The following DLGAP1 variants were observed in gnomAD, a reference collection of about 807,000 sequenced individuals.
DLGAP1 encodes the protein DLG associated protein 1.
DLGAP1 carries 11 observed loss-of-function variants against 90.8 expected under a neutral mutation model. That is an observed-to-expected ratio of 0.12 (90% CI 0.08 to 0.20). The LOEUF is 0.20. DLGAP1 is among the 10% of genes least tolerant of loss of function. The pLI is 1.00. For missense variants in DLGAP1, 1,050 were observed against 1,333.8 expected, an observed-to-expected ratio of 0.79 and a Z score of 3.31; for synonymous variants, 558 against 540.7, an observed-to-expected ratio of 1.03 and a Z score of -0.44.
At chr18:4,252,173 G>A (rs57906041) in intron 1 of DLGAP1, among the ~76,000 whole-genome samples, 1,674 of 152,310 alleles carry the variant, frequency 0.011, 37 homozygotes, top group African/African-American at 0.038. Flanking sequence ...TTCATGGAGG[G>A]AGGCTTCGGT....
At chr18:4,358,808 C>T (rs1396090739) in intron 1 of DLGAP1, among the ~76,000 whole-genome samples, 2 of 152,318 alleles carry the variant, frequency 1.3e-5, no homozygotes, top group Admixed American at 1.3e-4. Flanking sequence ...TGCAGGTATT[C>T]GGTGCTGCCT....
chr18:3,586,306 G>A (rs1458243932), intron 7 of DLGAP1, among the ~76,000 whole-genome samples: 1 of 152,096 alleles, frequency 6.6e-6, no homozygotes, highest in Non-Finnish European at 1.5e-5. Context: ...CTTAAGGAAA[G>A]GAACCATCTC....
intron 1 of DLGAP1, among the ~76,000 whole-genome samples, chr18:4,207,938 T>G (rs989803258): frequency 6.6e-6 from 1 of 152,216 alleles, no homozygotes; most frequent in African/African-American, 2.4e-5. Context: ...TCATCCGCAT[T>G]TTTTTGAAAT....
At chr18:4,253,770 T>G (rs1174643381) in intron 1 of DLGAP1, among the ~76,000 whole-genome samples, 1 of 152,220 alleles carries the variant, frequency 6.6e-6, no homozygotes, top group Non-Finnish European at 1.5e-5. Context: ...AGGCTCTAGA[T>G]ACAAATAGTT....
At chr18:4,321,989 C>A (rs1390529945) in intron 1 of DLGAP1, among the ~76,000 whole-genome samples, 4 of 152,008 alleles carry the variant, frequency 2.6e-5, no homozygotes, top group African/African-American at 9.6e-5. Context: ...CATGAGGTCT[C>A]AGGAGTTCGA....
At chr18:3,677,345 A>C (rs753975315) in intron 7 of DLGAP1, among the ~76,000 whole-genome samples, 25 of 152,222 alleles carry the variant, frequency 1.6e-4, no homozygotes, top group Non-Finnish European at 3.4e-4. Flanking sequence ...TGCCCCAGTG[A>C]ATCAGCTCTC....
chr18:3,776,196 C>T (rs9962316), intron 5 of DLGAP1, among the ~76,000 whole-genome samples: 1 of 152,062 alleles, frequency 6.6e-6, no homozygotes, highest in African/African-American at 2.4e-5. Context: ...GAATGGAAAA[C>T]AGCATTCAGA....
At chr18:4,131,870 T>C (rs2076323117) in intron 2 of DLGAP1, among the ~76,000 whole-genome samples, 1 of 152,232 alleles carries the variant, frequency 6.6e-6, no homozygotes, top group Non-Finnish European at 1.5e-5. Context: ...TTTAAAATGT[T>C]GTATGAATGC....
In DLGAP1 at chr18:3,676,692, G is replaced by GT. The variant is rs55879211; in HGVS notation, c.1591+52442dup. ...TTGCCAATTTGAGGCTACTTCTCCT[G>GT]TTTTTTTTTTTTAGAAGAAATTGTG... On this transcript the variant is annotated intron_variant, in intron 7 of 12. Transcript: ENST00000315677. 6.6e-4 allele frequency among the ~76,000 whole-genome samples: 97 copies of GT among 146,926 alleles called. 1 individual carries two copies. Among genetic ancestry groups the GT allele is most frequent in the South Asian group, 2.2e-3 (10 of 4,642 alleles).
chr18:4,403,761 TTTA>T (rs71160962), intron 1 of DLGAP1, among the ~76,000 whole-genome samples: 19,518 of 152,174 alleles, frequency 0.13, 1,359 homozygotes, highest in Middle Eastern at 0.2. Context: ...TTTCTTTCTT[TTTA>T]TTATGTTTTT....
Position 3,879,812 on chromosome 18 carries a change from G to A in DLGAP1, c.257C>T (p.Ala86Val). 1.9e-6 allele frequency: 3 copies of A among 1,607,694 alleles called. No individual in the cohort carries two copies. Among genetic ancestry groups the A allele is most frequent in the Non-Finnish European group, 1.7e-6 (2 of 1,179,880 alleles). Residue 86 changes from alanine to valine, a missense_variant, in exon 4 of 13, where the codon GCC (alanine) becomes GTC (valine). Physicochemically the swap from Ala to Val is moderately conservative, Grantham distance 64. Coordinates refer to ENST00000315677, the MANE Select transcript of DLGAP1 (RefSeq NM_004746.4). The surrounding 1 kb of genome is among the most constrained non-coding windows in gnomAD (Gnocchi z 6.6). The stretch of plus-strand genomic sequence containing the variant: ...GGTGGCCAGGGTGCGGGGCACCAGG[G>A]CACACTCGTCCTTCAGCTCTTGCTG... ...TSQQELKDECALVPRTLATKA... is the reference protein window; with the variant it reads ...TSQQELKDECVLVPRTLATKA...
intron 7 of DLGAP1, among the ~76,000 whole-genome samples, chr18:3,619,763 T>A (rs1227121322): frequency 7.4e-6 from 1 of 135,738 alleles, no homozygotes; most frequent in Non-Finnish European, 1.6e-5. Context: ...TTTTTTTTGG[T>A]GGGAGATATG....
chr18:4,304,231 A>G (rs1473488977), intron 1 of DLGAP1, among the ~76,000 whole-genome samples: 2 of 152,244 alleles, frequency 1.3e-5, no homozygotes, highest in Middle Eastern at 3.2e-3. Context: ...TAATGGTTGT[A>G]GAACAATGTG....
chr18:4,241,592 T>C (rs1017394016), intron 1 of DLGAP1, among the ~76,000 whole-genome samples: 2 of 152,178 alleles, frequency 1.3e-5, no homozygotes, highest in African/African-American at 4.8e-5. Context: ...CTTAGTTACA[T>C]GGATGAAGGA....
intron 1 of DLGAP1, among the ~76,000 whole-genome samples, chr18:4,152,260 A>C (rs945689905): frequency 6.6e-6 from 1 of 152,228 alleles, no homozygotes; most frequent in Admixed American, 6.5e-5. Context: ...TCAGAAGGGA[A>C]TGAGAAAAAT....
Position 3,619,241 on chromosome 18 carries a change from A to G in DLGAP1, c.1592-36993T>C, listed in dbSNP as rs140333131. On this transcript the variant is annotated intron_variant, in intron 7 of 12. Transcript: ENST00000315677. ...CAAACTAACATACCCACAAACAGAGAATTCACAGCCTTAAGGCTGGGACTT... is the reference window on the plus strand; with the variant it reads ...CAAACTAACATACCCACAAACAGAGGATTCACAGCCTTAAGGCTGGGACTT... 2.8e-3 allele frequency among the ~76,000 whole-genome samples: 422 copies of G among 152,352 alleles called. 6 individuals carry two copies. Among genetic ancestry groups the G allele is most frequent in the African/African-American group, 9.5e-3 (393 of 41,586 alleles).
chr18:3,641,116 T>A (rs971880937), intron 7 of DLGAP1, among the ~76,000 whole-genome samples: 1 of 152,154 alleles, frequency 6.6e-6, no homozygotes, highest in African/African-American at 2.4e-5. Flanking sequence ...TAAGACAATG[T>A]ATTATATGTA....
chr18:3,565,782 C>A lies in DLGAP1; in HGVS notation c.2057+1708G>T, dbSNP rs904619914. Among the ~76,000 whole-genome samples, 7 of 151,942 alleles carry A rather than the reference C, an allele frequency of 4.6e-5. No homozygotes were observed. Among genetic ancestry groups the A allele is most frequent in the Admixed American group, 1.3e-4 (2 of 15,268 alleles). On this transcript the variant is annotated intron_variant, in intron 9 of 12. Transcript: ENST00000315677. The surrounding 1 kb of genome is among the most constrained non-coding windows in gnomAD (Gnocchi z 4.0). Reference sequence around the variant, plus strand: ...CCCAGGAGGCGGAGGTTGCAGTGAGCCGAAATTGCACCACTGCACCCCAGC... The same window carrying A: ...CCCAGGAGGCGGAGGTTGCAGTGAGACGAAATTGCACCACTGCACCCCAGC...
intron 2 of DLGAP1, among the ~76,000 whole-genome samples, chr18:4,067,195 G>A (rs1300952646): frequency 6.6e-6 from 1 of 152,044 alleles, no homozygotes; most frequent in Non-Finnish European, 1.5e-5. Context: ...GTTGGGAGGA[G>A]GAAGAGGATC....
Sources: allele counts gnomAD v4.1 joint callset (sites outside exome capture counted in the v4.1 genomes callset), GRCh38; gene constraint gnomAD v4.1.1; non-coding constraint Gnocchi (gnomAD v3.1); transcripts MANE v1.5; gene names NCBI Gene and HGNC (gene_info 2026-07-23, HGNC 2026-07-21).